The following KIF6 variants were observed in gnomAD, a reference collection of about 807,000 sequenced individuals.
KIF6 encodes the protein kinesin-like protein KIF6.
In KIF6, 106 loss-of-function variants were observed where a neutral mutation model predicts 112.7. The observed-to-expected ratio is 0.94, with a 90% CI of 0.80 to 1.11. The LOEUF (loss-of-function observed/expected upper bound fraction) is 1.11, where lower values mean the gene tolerates loss of function less well. Among genes scored for constraint, KIF6 ranks in the 50% least tolerant of loss-of-function variants. KIF6 has a pLI of 0.00. For synonymous variants in KIF6, 339 were observed against 339.9 expected (o/e 1.00, Z 0.03); for missense variants, 929 against 964.0 (o/e 0.96, Z 0.48).
chr6:39,410,198 A>G (rs1769385391), intron 15 of KIF6, among the ~76,000 whole-genome samples: 1 of 152,254 alleles, frequency 6.6e-6, no homozygotes, highest in South Asian at 2.1e-4. Context: ...TGATATCTAG[A>G]TAATAATATC....
intron 7 of KIF6, among the ~76,000 whole-genome samples, 186 bp from the exon 8 acceptor site, chr6:39,586,590 A>G (rs1275008947): frequency 6.6e-6 from 1 of 152,242 alleles, no homozygotes; most frequent in Non-Finnish European, 1.5e-5. Flanking sequence ...TGAAGACTGA[A>G]TAAAGTAAAT....
intron 13 of KIF6, among the ~76,000 whole-genome samples, chr6:39,448,131 T>A (rs1056055378): frequency 6.6e-6 from 1 of 152,144 alleles, no homozygotes; most frequent in Non-Finnish European, 1.5e-5. Context: ...AGCTCCTACC[T>A]CTCTGGCCCA....
intron 22 of KIF6, among the ~76,000 whole-genome samples, chr6:39,336,881 C>CCG (rs1762936593): frequency 1.3e-5 from 2 of 148,368 alleles, no homozygotes; most frequent in Non-Finnish European, 3.0e-5. Flanking sequence ...TTCCTTTCTT[C>CCG]TGTCCTTCCT....
intron 4 of KIF6, among the ~76,000 whole-genome samples, chr6:39,638,085 A>G (rs1479380503): frequency 6.6e-6 from 1 of 152,018 alleles, no homozygotes; most frequent in Non-Finnish European, 1.5e-5. Flanking sequence ...ATTTGGCTTC[A>G]TTTGTTTTGA....
Position 39,680,398 on chromosome 6 carries a change from C to G in KIF6, c.251+34294G>C, listed in dbSNP as rs192714330. ...TGTCAGTAATTCCTGCTGTACCCAT[C>G]ATAGCTCTGGCTTTCAGTGACTATG... is the stretch of plus-strand genomic sequence containing the variant. On this transcript the variant is annotated intron_variant, in intron 3 of 22. Coordinates refer to ENST00000287152, the MANE Select transcript of KIF6 (RefSeq NM_145027.6). Among the ~76,000 whole-genome samples, 6 of 152,346 alleles carry G rather than the reference C, an allele frequency of 3.9e-5. No homozygotes were observed. In the East Asian group the frequency reaches 1.2e-3, roughly 29 times the overall value.
intron 16 of KIF6, among the ~76,000 whole-genome samples, chr6:39,385,399 T>G (rs1026105847): frequency 6.6e-6 from 1 of 150,904 alleles, no homozygotes; most frequent in African/African-American, 2.4e-5. Flanking sequence ...GCTGGAAGAG[T>G]AGGGTGCTGG....
At chr6:39,671,114 T>C (rs1334018295) in intron 3 of KIF6, among the ~76,000 whole-genome samples, 1 of 152,208 alleles carries the variant, frequency 6.6e-6, no homozygotes, top group Non-Finnish European at 1.5e-5. Flanking sequence ...GGCGAAATGA[T>C]GCACAATACA....
chr6:39,555,378 A>G (rs1582125044), intron 10 of KIF6, among the ~76,000 whole-genome samples: 1 of 151,696 alleles, frequency 6.6e-6, no homozygotes, highest in Non-Finnish European at 1.5e-5. Flanking sequence ...GGCCAGCATC[A>G]CCCCAGTGTC....
At chr6:39,356,557 G>T (rs530471423) in intron 19 of KIF6, among the ~76,000 whole-genome samples, 219 of 152,232 alleles carry the variant, frequency 1.4e-3, no homozygotes, top group Admixed American at 3.0e-3. Flanking sequence ...GAGCCACCGT[G>T]CCCGGCCCTC....
At chr6:39,514,754 T>C (rs2150515424) in intron 13 of KIF6, among the ~76,000 whole-genome samples, 1 of 142,242 alleles carries the variant, frequency 7.0e-6, no homozygotes, top group Non-Finnish European at 1.5e-5. Context: ...AAAGTAATCG[T>C]TCAAACTCAA....
chr6:39,644,997 A>G (rs1396391351), intron 3 of KIF6, among the ~76,000 whole-genome samples: 1 of 152,190 alleles, frequency 6.6e-6, no homozygotes, highest in East Asian at 1.9e-4. Context: ...AGTGAGATAA[A>G]CATTTTTGTT....
chr6:39,435,572 G>A (rs926799214), intron 13 of KIF6, among the ~76,000 whole-genome samples: 6 of 142,784 alleles, frequency 4.2e-5, no homozygotes, highest in South Asian at 2.1e-4. Flanking sequence ...ATACCACTCT[G>A]TACAAATTTG....
At chr6:39,336,677 G>C in intron 22 of KIF6, 129 bp from the exon 23 acceptor site, 1 of 800,174 alleles carries the variant, frequency 1.2e-6, no homozygotes, top group South Asian at 1.4e-5. Context: ...TCTGTGTCTT[G>C]CCTCCCAGGA....
intron 3 of KIF6, among the ~76,000 whole-genome samples, chr6:39,688,846 T>G (rs1027181680): frequency 6.6e-6 from 1 of 152,220 alleles, no homozygotes; most frequent in Non-Finnish European, 1.5e-5. Flanking sequence ...AGAAAATTCT[T>G]AGAAATAGCA....
chr6:39,508,072 T>A (rs1239102352), intron 13 of KIF6, among the ~76,000 whole-genome samples: 1 of 150,986 alleles, frequency 6.6e-6, no homozygotes, highest in African/African-American at 2.4e-5. Flanking sequence ...TTTTCTTTTT[T>A]TTGTTGTTGT....
intron 6 of KIF6, among the ~76,000 whole-genome samples, chr6:39,597,036 G>C (rs1199680957): frequency 2.0e-5 from 3 of 152,088 alleles, no homozygotes; most frequent in Non-Finnish European, 2.9e-5. Flanking sequence ...AGGAAAAATG[G>C]TAAGATAATA....
At chr6:39,438,990 A>T (rs1771742402) in intron 13 of KIF6, among the ~76,000 whole-genome samples, 1 of 152,250 alleles carries the variant, frequency 6.6e-6, no homozygotes, top group Non-Finnish European at 1.5e-5. Flanking sequence ...ACAGGTTTGT[A>T]GCTGAGGAGC....
intron 5 of KIF6, among the ~76,000 whole-genome samples, chr6:39,625,403 A>G (rs573796874): frequency 7.7e-4 from 117 of 152,206 alleles, no homozygotes; most frequent in African/African-American, 2.4e-3. Context: ...TTCCTTCATC[A>G]TGATTACTGA....
chr6:39,686,654 C>T (rs1334862391), intron 3 of KIF6, among the ~76,000 whole-genome samples: 1 of 152,164 alleles, frequency 6.6e-6, no homozygotes, highest in Non-Finnish European at 1.5e-5. Context: ...CTCTCATAAC[C>T]TAACCCCCCA....
Sources: allele counts gnomAD v4.1 joint callset (sites outside exome capture counted in the v4.1 genomes callset), GRCh38; gene constraint gnomAD v4.1.1; transcripts MANE v1.5; gene names NCBI Gene and HGNC (gene_info 2026-07-23, HGNC 2026-07-21).